SLC8A1: variants seen among roughly 807,000 people sequenced by gnomAD.
The protein encoded by SLC8A1 is sodium/calcium exchanger 1.
SLC8A1 carries 18 observed loss-of-function variants against 68.3 expected under a neutral mutation model. That is an observed-to-expected ratio of 0.26 (90% CI 0.18 to 0.39). The LOEUF (loss-of-function observed/expected upper bound fraction) is 0.39. SLC8A1 is among the 10% of genes least tolerant of loss of function. The pLI is 1.00. For missense variants in SLC8A1, 985 were observed against 1,156.7 expected, an observed-to-expected ratio of 0.85 and a Z score of 2.15; for synonymous variants, 475 against 415.5, an observed-to-expected ratio of 1.14 and a Z score of -1.74.
At chr2:40,491,659 T>C (rs1267132014) in intron 1 of SLC8A1, among the ~76,000 whole-genome samples, 1 of 152,142 alleles carries the variant, frequency 6.6e-6, no homozygotes, top group African/African-American at 2.4e-5. Context: ...GTCCCATCAA[T>C]ACCTAATTTA....
In SLC8A1 at chr2:40,414,037, A is replaced by T. The variant is rs143770959; in HGVS notation, c.1808+14436T>A. ...TTATGTAAGAGAATAACCTAACATT[A>T]AATGGCACCATAATGGCATGAACAA... On this transcript the variant is annotated intron_variant, in intron 2 of 7. Transcript: ENST00000406785. Among the ~76,000 whole-genome samples, 8 of 152,298 alleles carry T rather than the reference A, an allele frequency of 5.3e-5. No homozygotes were observed. The East Asian group carries it at 1.4e-3, about 26-fold the overall frequency.
chr2:40,195,166 T>A (rs1323869548), intron 2 of SLC8A1, among the ~76,000 whole-genome samples: 2 of 152,058 alleles, frequency 1.3e-5, no homozygotes, highest in African/African-American at 4.8e-5. Flanking sequence ...AAAAACCAGT[T>A]AGAAAGTCAA....
intron 2 of SLC8A1, among the ~76,000 whole-genome samples, chr2:40,256,018 G>A (rs1444809159): frequency 6.6e-6 from 1 of 152,202 alleles, no homozygotes; most frequent in Non-Finnish European, 1.5e-5. Flanking sequence ...GACAGGCCCT[G>A]GGACTGTTCC....
chr2:40,244,942 T>C (rs2061667175), intron 2 of SLC8A1, among the ~76,000 whole-genome samples: 1 of 152,198 alleles, frequency 6.6e-6, no homozygotes, highest in Non-Finnish European at 1.5e-5. Context: ...CTGCTGTACA[T>C]ATTTGCCAAG....
At chr2:40,496,392 T>A (rs181613114) in intron 1 of SLC8A1, among the ~76,000 whole-genome samples, 1 of 152,114 alleles carries the variant, frequency 6.6e-6, no homozygotes, top group Admixed American at 6.6e-5. Context: ...ACAGCATGGC[T>A]GTATGGCACG....
chr2:40,296,349 T>A (rs4952605), intron 2 of SLC8A1, among the ~76,000 whole-genome samples: 36,390 of 152,078 alleles, frequency 0.24, 4,664 homozygotes, highest in East Asian at 0.38. Context: ...TACAGACCAA[T>A]GGAATATAAG....
chr2:40,205,544 G>C (rs2055251346), intron 2 of SLC8A1, among the ~76,000 whole-genome samples: 1 of 151,950 alleles, frequency 6.6e-6, no homozygotes, highest in African/African-American at 2.4e-5. Context: ...GACTAACAAA[G>C]GAACAGAAAA....
intron 2 of SLC8A1, among the ~76,000 whole-genome samples, chr2:40,295,462 CTA>C (rs964354982): frequency 8.5e-5 from 13 of 152,082 alleles, no homozygotes; most frequent in African/African-American, 3.1e-4. Flanking sequence ...TTGGTGTATA[CTA>C]TGTCATTCTA....
intron 1 of SLC8A1, among the ~76,000 whole-genome samples, chr2:40,431,221 T>A (rs1273860199): frequency 6.6e-6 from 1 of 151,814 alleles, no homozygotes; most frequent in South Asian, 2.1e-4. Flanking sequence ...GGCTGTGGAA[T>A]CAGCGTCACC....
chr2:40,099,029 T>C (rs1414130703), exon 8 of SLC8A1: 1 of 151,998 alleles, frequency 6.6e-6, no homozygotes, highest in East Asian at 1.9e-4. Flanking sequence ...TATAAAAATA[T>C]TTGTTTAGTG....
chr2:40,113,027 T>C (rs1480631046), exon 8 of SLC8A1: 1 of 152,492 alleles, frequency 6.6e-6, no homozygotes, highest in East Asian at 1.9e-4. Flanking sequence ...ATGGCTTTCT[T>C]CACTTTTACT....
chr2:40,356,565 A>C (rs1035981347), intron 2 of SLC8A1, among the ~76,000 whole-genome samples: 6 of 152,024 alleles, frequency 3.9e-5, no homozygotes, highest in Non-Finnish European at 8.8e-5. Context: ...ATAATGTTAA[A>C]ATGTTGGTTT....
chr2:40,235,123 T>G (rs1165961545), intron 2 of SLC8A1, among the ~76,000 whole-genome samples: 1 of 152,152 alleles, frequency 6.6e-6, no homozygotes, highest in African/African-American at 2.4e-5. Context: ...TAAAATGAGT[T>G]AGGGAGGATT....
At chr2:40,109,027 C>A (rs12619770) in exon 8 of SLC8A1, 82,412 of 151,966 alleles carry the variant, frequency 0.54, 22,968 homozygotes, top group African/African-American at 0.68. Flanking sequence ...ATTCTAGTAA[C>A]TTTATCCCCC....
intron 2 of SLC8A1, among the ~76,000 whole-genome samples, chr2:40,313,048 A>T (rs1315291354): frequency 6.6e-6 from 1 of 152,084 alleles, no homozygotes; most frequent in Non-Finnish European, 1.5e-5. Flanking sequence ...CCTTTGCCAT[A>T]ATCAAGGTAA....
chr2:40,175,203 C>G, intron 3 of SLC8A1, 58 bp downstream of exon 4: 1 of 1,550,572 alleles, frequency 6.4e-7, no homozygotes, highest in South Asian at 1.1e-5. Context: ...TATCACCTGA[C>G]GGAAATGGAA....
At chr2:40,252,823 T>G (rs1010188839) in intron 2 of SLC8A1, among the ~76,000 whole-genome samples, 2 of 116,954 alleles carry the variant, frequency 1.7e-5, no homozygotes, top group Non-Finnish European at 3.5e-5. Context: ...TACATATATA[T>G]GTATATACAT....
At chr2:40,138,344 A>G (rs892419520) in intron 7 of SLC8A1, among the ~76,000 whole-genome samples, 2 of 152,230 alleles carry the variant, frequency 1.3e-5, no homozygotes, top group Admixed American at 6.5e-5. Flanking sequence ...CAAAGTGACT[A>G]TCTCAGGACT....
chr2:40,260,240 T>C (rs1277511049), intron 2 of SLC8A1, among the ~76,000 whole-genome samples: 1 of 152,204 alleles, frequency 6.6e-6, no homozygotes, highest in Non-Finnish European at 1.5e-5. Flanking sequence ...CATTTAACTC[T>C]GTCAAGCTAT....
Sources: allele counts gnomAD v4.1 joint callset (sites outside exome capture counted in the v4.1 genomes callset), GRCh38; gene constraint gnomAD v4.1.1; transcripts MANE v1.5; gene names NCBI Gene and HGNC (gene_info 2026-07-23, HGNC 2026-07-21).